Variants in TRAF3 observed in about 807,000 individuals in gnomAD.
The protein encoded by TRAF3 is TNF receptor associated factor 3.
In TRAF3, 13 loss-of-function variants were observed where a neutral mutation model predicts 62.3. That is an observed-to-expected ratio of 0.21 (90% CI 0.14 to 0.33). The LOEUF is 0.33. Among genes scored for constraint, TRAF3 ranks in the 10% least tolerant of loss-of-function variants. TRAF3 has a pLI of 1.00. For missense variants in TRAF3, 440 were observed against 741.8 expected (o/e 0.59, Z 4.73); for synonymous variants, 269 against 283.4 (o/e 0.95, Z 0.51).
intron 2 of TRAF3, among the ~76,000 whole-genome samples, chr14:102,839,210 C>CCTTTTTTTTTTTTTTT (rs1310697452): frequency 1.1e-5 from 1 of 89,836 alleles, no homozygotes; most frequent in Admixed American, 1.2e-4. Flanking sequence ...GTTGATTTGC[C>CCTTTTTTTTTTTTTTT]TTTTTTTTTT....
chr14:102,841,710 AT>A (rs1886384158), intron 2 of TRAF3, among the ~76,000 whole-genome samples: 1 of 152,236 alleles, frequency 6.6e-6, no homozygotes, highest in Non-Finnish European at 1.5e-5. Context: ...CTAGCATCTA[AT>A]AAATAATTAC....
intron 2 of TRAF3, among the ~76,000 whole-genome samples, chr14:102,866,850 AACACAC>A (rs538121314): frequency 0.011 from 1,509 of 132,264 alleles, 15 homozygotes; most frequent in Non-Finnish European, 0.012. Flanking sequence ...ATCTCTTGAA[AACACAC>A]ACACACACAC....
intron 2 of TRAF3, among the ~76,000 whole-genome samples, chr14:102,853,601 G>C (rs560021790): frequency 6.6e-6 from 1 of 151,994 alleles, no homozygotes; most frequent in Non-Finnish European, 1.5e-5. Flanking sequence ...TTAGGAGGCC[G>C]AGGCGGGCAG....
chr14:102,800,677 A>G (rs1039887222), intron 1 of TRAF3, among the ~76,000 whole-genome samples: 4 of 145,546 alleles, frequency 2.7e-5, no homozygotes, highest in Non-Finnish European at 4.5e-5. Context: ...GTTAATTAAC[A>G]TGTTTCCTGT....
At chr14:102,796,569 A>C (rs1012175526) in intron 1 of TRAF3, among the ~76,000 whole-genome samples, 1 of 152,226 alleles carries the variant, frequency 6.6e-6, no homozygotes, top group Non-Finnish European at 1.5e-5. Flanking sequence ...CTGAACCGCC[A>C]ACAGCTTTGT....
chr14:102,837,215 T>G (rs1369866103), intron 2 of TRAF3, among the ~76,000 whole-genome samples: 1 of 151,650 alleles, frequency 6.6e-6, no homozygotes, highest in East Asian at 1.9e-4. Context: ...GACAGCTCGC[T>G]ATAGCCTCAA....
chr14:102,815,137 C>T (rs1299119172), intron 1 of TRAF3, among the ~76,000 whole-genome samples: 1 of 151,982 alleles, frequency 6.6e-6, no homozygotes, highest in African/African-American at 2.4e-5. Context: ...CAGAGTTTTA[C>T]TATGTTGCCC....
chr14:102,803,426 G>A (rs1288368403), intron 1 of TRAF3, among the ~76,000 whole-genome samples: 1 of 152,138 alleles, frequency 6.6e-6, no homozygotes, highest in Admixed American at 6.5e-5. Flanking sequence ...TACCTTCCGT[G>A]TGTCTCAGTT....
rs559269812 is a variant in TRAF3, at chr14:102,813,607, C to T, written c.-156-16727C>T. 7.2e-5 allele frequency among the ~76,000 whole-genome samples: 11 copies of T among 151,982 alleles called. No homozygotes were observed. The East Asian group carries it at 7.8e-4, about 11-fold the overall frequency. ...CTGGGACTACAGGCGCACACCACCACGACCTGCTAATTTTTGTATTTTTAA... is the reference window on the plus strand; with the variant it reads ...CTGGGACTACAGGCGCACACCACCATGACCTGCTAATTTTTGTATTTTTAA... On this transcript the variant is annotated intron_variant, in intron 1 of 11. Transcript: ENST00000392745.
chr14:102,849,215 C>T (rs1461292172), intron 2 of TRAF3, among the ~76,000 whole-genome samples: 1 of 152,238 alleles, frequency 6.6e-6, no homozygotes, highest in Non-Finnish European at 1.5e-5. Context: ...AGTTGACACT[C>T]CAGGAAGATG....
intron 2 of TRAF3, among the ~76,000 whole-genome samples, 199 bp downstream of exon 2, chr14:102,830,671 C>T (rs1900624329): frequency 6.6e-6 from 1 of 152,206 alleles, no homozygotes; most frequent in African/African-American, 2.4e-5. Flanking sequence ...GGCATGACCT[C>T]TGCCCTTAAC....
At chr14:102,880,000 T>C (rs766286394) in intron 6 of TRAF3, among the ~76,000 whole-genome samples, 5 of 152,106 alleles carry the variant, frequency 3.3e-5, no homozygotes, top group African/African-American at 7.2e-5. Context: ...CCTGTAGTTC[T>C]AGCTACTAGG....
At chr14:102,791,266 A>G (rs1399142866) in intron 1 of TRAF3, among the ~76,000 whole-genome samples, 5 of 151,462 alleles carry the variant, frequency 3.3e-5, no homozygotes. Flanking sequence ...TGATCCACCC[A>G]CCTCGGCCTC....
chr14:102,788,237 A>G (rs561737735), intron 1 of TRAF3, among the ~76,000 whole-genome samples: 1 of 152,302 alleles, frequency 6.6e-6, no homozygotes, highest in South Asian at 2.1e-4. Context: ...ATTTGCATAA[A>G]TGAACCAGTA....
chr14:102,821,557 C>G (rs1456547308), intron 1 of TRAF3, among the ~76,000 whole-genome samples: 1 of 151,998 alleles, frequency 6.6e-6, no homozygotes, highest in African/African-American at 2.4e-5. Context: ...TTATAATTAT[C>G]CTTTTCTGGG....
At position 102,876,536 on chromosome 14, in the gene TRAF3, T is replaced by TC; in HGVS notation, c.570+14dup. ...ATGATCGCGCTGCAGGTGCGGGTCC[T>TC]CCCATTCCACAGGCCTTCCACTCAA... is the stretch of plus-strand genomic sequence containing the variant. On this transcript the variant is annotated intron_variant, in intron 6 of 11. Coordinates refer to ENST00000392745, the MANE Select transcript of TRAF3 (RefSeq NM_145725.3). 1 of 1,612,400 alleles carries TC rather than the reference T, an allele frequency of 6.2e-7. No individual in the cohort carries two copies. Among genetic ancestry groups the TC allele is most frequent in the Non-Finnish European group, 8.5e-7 (1 of 1,179,536 alleles).
At chr14:102,883,463 T>C (rs1889183413) in intron 6 of TRAF3, among the ~76,000 whole-genome samples, 1 of 152,242 alleles carries the variant, frequency 6.6e-6, no homozygotes, top group South Asian at 2.1e-4. Flanking sequence ...TAATGGGTAC[T>C]CCTTGTGGGA....
intron 2 of TRAF3, among the ~76,000 whole-genome samples, chr14:102,833,324 C>A (rs755055949): frequency 2.6e-5 from 4 of 152,200 alleles, no homozygotes; most frequent in Non-Finnish European, 4.4e-5. Context: ...TCAAATTCAA[C>A]CAAGAAATCT....
At chr14:102,884,513 C>A (rs1165764529) in intron 6 of TRAF3, among the ~76,000 whole-genome samples, 2 of 151,986 alleles carry the variant, frequency 1.3e-5, no homozygotes, top group Admixed American at 6.6e-5. Flanking sequence ...TGATTAATAT[C>A]AAAAATATGC....
Sources: allele counts gnomAD v4.1 joint callset (sites outside exome capture counted in the v4.1 genomes callset), GRCh38; gene constraint gnomAD v4.1.1; transcripts MANE v1.5; gene names NCBI Gene and HGNC (gene_info 2026-07-23, HGNC 2026-07-21).